Variants in CDKAL1 observed in about 807,000 individuals in gnomAD.
CDKAL1 encodes the protein CDKAL1 threonylcarbamoyladenosine tRNA methylthiotransferase.
In CDKAL1, 32 loss-of-function variants were observed where a neutral mutation model predicts 68.2. That is an observed-to-expected ratio of 0.47 (90% CI 0.35 to 0.63). The LOEUF (loss-of-function observed/expected upper bound fraction) is 0.63, where lower values mean the gene tolerates loss of function less well. Among genes scored for constraint, CDKAL1 ranks in the 30% least tolerant of loss-of-function variants. CDKAL1 has a pLI of 0.00. For synonymous variants in CDKAL1, 234 were observed against 244.3 expected, an observed-to-expected ratio of 0.96 and a Z score of 0.39; for missense variants, 606 against 696.7, an observed-to-expected ratio of 0.87 and a Z score of 1.47.
chr6:20,949,629 A>G (rs1199041456), intron 9 of CDKAL1, among the ~76,000 whole-genome samples: 3 of 152,154 alleles, frequency 2.0e-5, no homozygotes, highest in African/African-American at 7.2e-5. Flanking sequence ...TCCTAGGCGT[A>G]TGTGTTTTAG....
chr6:21,132,748 G>GT (rs1458751357), intron 13 of CDKAL1, among the ~76,000 whole-genome samples: 5 of 152,198 alleles, frequency 3.3e-5, no homozygotes, highest in Admixed American at 2.6e-4. Context: ...TCTTCTGGAA[G>GT]AAATTGTATT....
At chr6:20,596,207 G>A (rs1765815299) in intron 4 of CDKAL1, among the ~76,000 whole-genome samples, 1 of 152,166 alleles carries the variant, frequency 6.6e-6, no homozygotes, top group Admixed American at 6.5e-5. Flanking sequence ...GAGATCTGCT[G>A]CCCTCTTCAG....
At position 20,846,112 on chromosome 6, in the gene CDKAL1, G is replaced by A. The variant is rs1355100245; in HGVS notation, c.676G>A (p.Ala226Thr). 2.5e-6 allele frequency: 4 copies of A among 1,613,224 alleles called. No homozygotes were observed. Among genetic ancestry groups the A allele is most frequent in the Non-Finnish European group, 3.4e-6 (4 of 1,179,478 alleles). ...TTGTACCTACTGCAAAACTAAACAC[G>A]CCAGAGGAAATTTGGCCAGTTATCC... ...NACTYCKTKH[A>T]RGNLASYPID... is the part of the protein sequence containing the mutation. The change falls in exon 9 of 16, where the codon GCC (alanine) becomes ACC (threonine). Residue 226 changes from alanine to threonine, a missense_variant. Coordinates refer to ENST00000274695, the MANE Select transcript of CDKAL1 (RefSeq NM_017774.3).
intron 6 of CDKAL1, among the ~76,000 whole-genome samples, chr6:20,748,555 G>GGAAAAAAAAAAA (rs1773766913): frequency 7.0e-5 from 2 of 28,742 alleles, no homozygotes; most frequent in African/African-American, 2.3e-4. Flanking sequence ...TCTGTTTCTG[G>GGAAAAAAAAAAA]AAAAAAAAAA....
At chr6:20,852,942 G>GA (rs1383156681) in intron 9 of CDKAL1, among the ~76,000 whole-genome samples, 2 of 152,200 alleles carry the variant, frequency 1.3e-5, no homozygotes, top group Non-Finnish European at 2.9e-5. Context: ...CAGGAGTGGT[G>GA]AAGGTTTCCT....
intron 5 of CDKAL1, among the ~76,000 whole-genome samples, chr6:20,650,312 C>T (rs1768696856): frequency 6.6e-6 from 1 of 152,150 alleles, no homozygotes; most frequent in Non-Finnish European, 1.5e-5. Flanking sequence ...CTCTAATGAT[C>T]AGAGATGTTG....
intron 13 of CDKAL1, among the ~76,000 whole-genome samples, chr6:21,137,873 T>C (rs1268380190): frequency 3.3e-5 from 5 of 152,238 alleles, no homozygotes; most frequent in Non-Finnish European, 7.3e-5. Flanking sequence ...TATTCAGTTT[T>C]TCATTCCACA....
At chr6:21,049,250 T>G (rs1031001625) in intron 11 of CDKAL1, among the ~76,000 whole-genome samples, 21 of 152,184 alleles carry the variant, frequency 1.4e-4, no homozygotes, top group Non-Finnish European at 3.1e-4. Context: ...AATTATCATC[T>G]TATCTCTAAA....
At chr6:20,602,497 A>G (rs989846439) in intron 4 of CDKAL1, among the ~76,000 whole-genome samples, 4 of 152,046 alleles carry the variant, frequency 2.6e-5, no homozygotes, top group Admixed American at 6.6e-5. Context: ...TTAGCTTGCT[A>G]TTATTGCTTG....
Position 21,201,101 on chromosome 6 carries a change from G to C in CDKAL1, c.1384-9G>C, listed in dbSNP as rs1212038946. 1 of 1,593,766 alleles carries C rather than the reference G, an allele frequency of 6.3e-7. No individual in the cohort carries two copies. The highest frequency in any genetic ancestry group is 1.3e-5 in the African/African-American group (1 of 74,532). ...TAAAAATTAAGCCTCTGAAACAAAT[G>C]TGTTTAAGGTTTTAGTGCCAAAGAA... On this transcript the variant is annotated splice_polypyrimidine_tract_variant and intron_variant, in intron 14 of 15. Coordinates refer to ENST00000274695, the MANE Select transcript of CDKAL1 (RefSeq NM_017774.3).
intron 4 of CDKAL1, among the ~76,000 whole-genome samples, chr6:20,620,108 A>T (rs968144544): frequency 6.6e-6 from 1 of 152,186 alleles, no homozygotes; most frequent in Admixed American, 6.5e-5. Context: ...ATTAGTTCAT[A>T]TGTGTTGGTT....
chr6:20,878,403 C>A (rs1760643014), intron 9 of CDKAL1, among the ~76,000 whole-genome samples: 1 of 152,200 alleles, frequency 6.6e-6, no homozygotes, highest in Non-Finnish European at 1.5e-5. Flanking sequence ...GTATTATTGT[C>A]CTGAACTCCT....
chr6:20,886,184 A>C (rs888441514), intron 9 of CDKAL1, among the ~76,000 whole-genome samples: 2 of 152,270 alleles, frequency 1.3e-5, no homozygotes. Context: ...ATGCAAATCA[A>C]AACCCTTCAG....
chr6:21,176,682 GTTTTTTTTTTTTTGTT>G (rs1777585938), intron 13 of CDKAL1, among the ~76,000 whole-genome samples: 1 of 119,870 alleles, frequency 8.3e-6, no homozygotes. Context: ...CTGGATGTTG[GTTTTTTTTTTTTTGTT>G]TTTTTTTTTT....
rs1478608319 is a variant in CDKAL1, at chr6:20,783,941, G to A, written c.638+2676G>A. Among the ~76,000 whole-genome samples the A allele has an allele frequency of 4.6e-5, 7 of 152,132 alleles. No individual in the cohort carries two copies. In the East Asian group the frequency reaches 5.8e-4, roughly 13 times the overall value. The stretch of plus-strand genomic sequence containing the variant: ...TAAAATGGTGTAGTATTGGCCGGGC[G>A]TGGTGGCTCATGCCTGTAATCCCAG... On this transcript the variant is annotated intron_variant, in intron 8 of 15. Coordinates refer to ENST00000274695, the MANE Select transcript of CDKAL1 (RefSeq NM_017774.3).
rs562037516 is a variant in CDKAL1 at position 21,136,431 on chromosome 6, T to C, written c.1299+27968T>C. Among the ~76,000 whole-genome samples, 12 of 152,358 alleles carry C rather than the reference T, an allele frequency of 7.9e-5. No homozygotes were observed. In the South Asian group the frequency reaches 1.5e-3, roughly 18 times the overall value. The stretch of plus-strand genomic sequence containing the variant: ...TTCTGAGATTCATATGTAATGCCAT[T>C]ACTACCCACTATTAGTAATTACTGT... On this transcript the variant is annotated intron_variant, in intron 13 of 15. Coordinates refer to ENST00000274695, the MANE Select transcript of CDKAL1 (RefSeq NM_017774.3).
chr6:20,753,957 ATGTG>A (rs112105313), intron 6 of CDKAL1, among the ~76,000 whole-genome samples: 7,969 of 147,626 alleles, frequency 0.054, 246 homozygotes, highest in African/African-American at 0.095. Context: ...TATTATCTGT[ATGTG>A]TGTGTGTGTG....
chr6:20,958,488 G>A (rs1273938846), intron 10 of CDKAL1, among the ~76,000 whole-genome samples: 5 of 152,156 alleles, frequency 3.3e-5, no homozygotes, highest in Non-Finnish European at 5.9e-5. Context: ...CCTCAGTCCT[G>A]TGCACAGCAA....
chr6:21,056,918 G>T (rs192363438), intron 11 of CDKAL1, among the ~76,000 whole-genome samples: 25 of 152,276 alleles, frequency 1.6e-4, no homozygotes, highest in African/African-American at 5.8e-4. Context: ...GCTGGATTTT[G>T]TTTGCCAGTA....
Sources: gnomAD v4.1 joint callset for allele counts (sites outside exome capture counted in the v4.1 genomes callset) on GRCh38, gnomAD v4.1.1 for gene constraint, MANE v1.5 for transcripts, NCBI Gene and HGNC (gene_info 2026-07-23, HGNC 2026-07-21) for gene names.